GLMN: variants seen among roughly 807,000 people sequenced by gnomAD.
GLMN encodes glomulin, FKBP associated protein.
GLMN carries 75 observed loss-of-function variants against 87.8 expected under a neutral mutation model. The ratio of observed to expected loss-of-function variants is 0.85; its 90% CI spans 0.71 to 1.04. The LOEUF (loss-of-function observed/expected upper bound fraction) is 1.04. Among genes scored for constraint, GLMN ranks in the 50% least tolerant of loss-of-function variants. GLMN has a pLI of 0.00. For synonymous variants in GLMN, 206 were observed against 221.6 expected (o/e 0.93, Z 0.63); for missense variants, 588 against 658.8 (o/e 0.89, Z 1.18).
At chr1:92,363,654 C>T in the GLMN span, 1 of 271,812 alleles carries the variant, frequency 3.7e-6, no homozygotes, top group South Asian at 3.9e-5. Context: ...TTTTCCACCT[C>T]TGCCACACTT....
At chr1:92,333,816 A>G in the GLMN span, among the ~76,000 whole-genome samples, 1 of 152,224 alleles carries the variant, frequency 6.6e-6, no homozygotes, top group South Asian at 2.1e-4. Context: ...GTGTCACAGC[A>G]GTTTCAGATG....
chr1:92,285,327 A>T (rs1018879354), intron 7 of GLMN, among the ~76,000 whole-genome samples: 2 of 152,206 alleles, frequency 1.3e-5, no homozygotes, highest in Non-Finnish European at 2.9e-5. Flanking sequence ...ACATGGATGA[A>T]GCTGGAAACC....
the GLMN span, among the ~76,000 whole-genome samples, chr1:92,368,412 T>C: frequency 3.3e-5 from 5 of 152,136 alleles, no homozygotes; most frequent in Admixed American, 1.3e-4. Flanking sequence ...CGTTACTGAC[T>C]TTTATTGTAC....
chr1:92,275,919 C>T (rs1022054051), intron 7 of GLMN, among the ~76,000 whole-genome samples: 5 of 152,138 alleles, frequency 3.3e-5, no homozygotes, highest in Non-Finnish European at 7.3e-5. Flanking sequence ...ATCTCACCCC[C>T]TCTCATTCAA....
At chr1:92,342,915 T>G in the GLMN span, among the ~76,000 whole-genome samples, 1 of 152,172 alleles carries the variant, frequency 6.6e-6, no homozygotes, top group Non-Finnish European at 1.5e-5. Context: ...AATTTTGAGA[T>G]GCCTATTAGA....
At chr1:92,295,317 GT>G (rs1053039737) in intron 3 of GLMN, among the ~76,000 whole-genome samples, 129 of 139,948 alleles carry the variant, frequency 9.2e-4, no homozygotes, top group East Asian at 5.9e-3. Flanking sequence ...GTAAATTCTT[GT>G]TTTTTTTTTT....
chr1:92,343,092 A>G, the GLMN span, among the ~76,000 whole-genome samples: 1 of 151,246 alleles, frequency 6.6e-6, no homozygotes, highest in African/African-American at 2.4e-5. Flanking sequence ...TTGTTTATAC[A>G]GGAGAGAAGA....
the GLMN span, among the ~76,000 whole-genome samples, chr1:92,330,497 G>A: frequency 7.6e-6 from 1 of 130,796 alleles, no homozygotes; most frequent in African/African-American, 2.9e-5. Flanking sequence ...GCCCAGTCTG[G>A]AGTGCAATGG....
At chr1:92,344,196 G>A in the GLMN span, among the ~76,000 whole-genome samples, 3 of 152,216 alleles carry the variant, frequency 2.0e-5, no homozygotes, top group East Asian at 1.9e-4. Flanking sequence ...GATCACTTGA[G>A]GCCAGGAGTT....
At chr1:92,248,145 T>C (rs1652945603) in intron 16 of GLMN, 156 bp from the exon 17 acceptor site, 10 of 588,810 alleles carry the variant, frequency 1.7e-5, no homozygotes, top group Middle Eastern at 8.2e-4. Flanking sequence ...TAGCTAGTTA[T>C]GTGAATACCA....
chr1:92,279,350 G>A (rs113396522), intron 7 of GLMN, among the ~76,000 whole-genome samples: 1 of 151,656 alleles, frequency 6.6e-6, no homozygotes, highest in African/African-American at 2.4e-5. Flanking sequence ...CCAGCTACTT[G>A]GGAGGCTGAG....
At chr1:92,326,198 T>TA in the GLMN span, among the ~76,000 whole-genome samples, 1 of 152,272 alleles carries the variant, frequency 6.6e-6, no homozygotes, top group Non-Finnish European at 1.5e-5. Flanking sequence ...TTGATATAGT[T>TA]AGTTTTAGCC....
the GLMN span, chr1:92,323,673 A>C: frequency 6.2e-7 from 1 of 1,613,704 alleles, no homozygotes; most frequent in Admixed American, 1.7e-5. Flanking sequence ...TGAAAAAGAA[A>C]GCTGGTCACA....
the GLMN span, among the ~76,000 whole-genome samples, chr1:92,363,399 G>A: frequency 6.6e-6 from 1 of 152,222 alleles, no homozygotes; most frequent in Admixed American, 6.5e-5. Flanking sequence ...AGTGTGAACA[G>A]GAGAGAAATA....
At chr1:92,325,743 C>T in the GLMN span, among the ~76,000 whole-genome samples, 1 of 151,982 alleles carries the variant, frequency 6.6e-6, no homozygotes, top group East Asian at 1.9e-4. Flanking sequence ...CTAATCAGCA[C>T]CTCTTTCCAA....
rs554657225 is a variant in GLMN at position 92,287,633 on chromosome 1, T to C, written c.633-1041A>G. ...AGGATTACAGGTGCGAGCCACCACGTCTGGCTGTAAATTTTTTTTTAAATG... is the reference window on the plus strand; with the variant it reads ...AGGATTACAGGTGCGAGCCACCACGCCTGGCTGTAAATTTTTTTTTAAATG... On this transcript the variant is annotated intron_variant, in intron 6 of 18. Transcript: ENST00000370360. Among the ~76,000 whole-genome samples, 77 of 152,094 alleles carry C rather than the reference T, an allele frequency of 5.1e-4. 1 individual carries two copies. The highest frequency in any genetic ancestry group is 1.4e-3 in the Admixed American group (21 of 15,262).
rs766877348 is a variant in GLMN, at chr1:92,297,399, C to T, written c.165+5G>A. On this transcript the variant is annotated splice_donor_5th_base_variant and intron_variant, in intron 3 of 18. Transcript: ENST00000370360. ...CTGAAAAGTAAACACCAAGATTGTA[C>T]GCACCTTATTCTTTTCATTTTGAAT... 10 of 1,609,020 alleles carry T rather than the reference C, an allele frequency of 6.2e-6. No individual in the cohort carries two copies. Among genetic ancestry groups the T allele is most frequent in the East Asian group, 2.2e-5 (1 of 44,812 alleles).
chr1:92,299,639 T>C (rs540422796), upstream of GLMN, among the ~76,000 whole-genome samples: 1 of 152,262 alleles, frequency 6.6e-6, no homozygotes, highest in South Asian at 2.1e-4. Flanking sequence ...ATTAAGCAAC[T>C]ATGATACAGA....
chr1:92,342,191 G>A, the GLMN span, among the ~76,000 whole-genome samples: 1 of 152,310 alleles, frequency 6.6e-6, no homozygotes. Context: ...TTAATAGGCT[G>A]GTTAAGGAAG....
Sources: gnomAD v4.1 joint callset for allele counts (sites outside exome capture counted in the v4.1 genomes callset) on GRCh38, gnomAD v4.1.1 for gene constraint, MANE v1.5 for transcripts, NCBI Gene and HGNC (gene_info 2026-07-23, HGNC 2026-07-21) for gene names.